Variants in YES1 observed in about 807,000 individuals in gnomAD.
YES1 encodes tyrosine-protein kinase Yes.
Under a neutral mutation model 70.4 loss-of-function variants are expected in YES1, and 39 were observed. The observed-to-expected ratio is 0.55, with a 90% CI of 0.43 to 0.72. YES1 has a LOEUF of 0.72. Among genes scored for constraint, YES1 ranks in the 30% least tolerant of loss-of-function variants. The pLI is 0.00. For synonymous variants in YES1, 198 were observed against 218.6 expected, an observed-to-expected ratio of 0.91 and a Z score of 0.83; for missense variants, 495 against 644.8, an observed-to-expected ratio of 0.77 and a Z score of 2.52.
At position 732,951 on chromosome 18, in the gene YES1, T is replaced by C. The variant is rs761347968; in HGVS notation, c.1306A>G (p.Ile436Val). ...YTARQGAKFP[I>V]KWTAPEAALY... Reference sequence around the variant, plus strand: ...GCAGCTTCAGGAGCTGTCCATTTGATTGGAAATTTTGCACCTAAAATAATG... The same window carrying C: ...GCAGCTTCAGGAGCTGTCCATTTGACTGGAAATTTTGCACCTAAAATAATG... The change falls in exon 11 of 12, where the codon ATC becomes GTC. Residue 436 changes from isoleucine (I) to valine (V), a missense_variant. Coordinates refer to ENST00000314574, the MANE Select transcript of YES1 (RefSeq NM_005433.4). 6.2e-7 allele frequency: 1 copy of C among 1,614,148 alleles called. No homozygotes were observed. Among genetic ancestry groups the C allele is most frequent in the Non-Finnish European group, 8.5e-7 (1 of 1,180,022 alleles).
intron 1 of YES1, among the ~76,000 whole-genome samples, chr18:810,686 T>G (rs1050654685): frequency 6.6e-6 from 1 of 152,230 alleles, no homozygotes; most frequent in African/African-American, 2.4e-5. Context: ...ATTTAAAATC[T>G]CCACCGACTT....
chr18:776,198 C>CT (rs35743931), intron 1 of YES1, among the ~76,000 whole-genome samples: 48,912 of 146,268 alleles, frequency 0.33, 8,351 homozygotes, highest in African/African-American at 0.42. Flanking sequence ...TATACTCGAT[C>CT]TTTTTTTTTT....
intron 1 of YES1, among the ~76,000 whole-genome samples, chr18:780,129 G>A (rs1905585469): frequency 6.6e-6 from 1 of 152,116 alleles, no homozygotes; most frequent in Non-Finnish European, 1.5e-5. Context: ...GGAGGATAAG[G>A]CAGGAGAATC....
intron 1 of YES1, among the ~76,000 whole-genome samples, chr18:809,103 A>G (rs1907242202): frequency 6.6e-6 from 1 of 152,240 alleles, no homozygotes; most frequent in African/African-American, 2.4e-5. Flanking sequence ...ATGACAGAAC[A>G]GTATCCATTC....
At chr18:810,881 G>T (rs1907340085) in intron 1 of YES1, among the ~76,000 whole-genome samples, 1 of 151,498 alleles carries the variant, frequency 6.6e-6, no homozygotes, top group South Asian at 2.1e-4. Context: ...AAGATCCTTG[G>T]CTAATACAAG....
At chr18:810,358 A>C (rs1907311407) in intron 1 of YES1, among the ~76,000 whole-genome samples, 1 of 152,182 alleles carries the variant, frequency 6.6e-6, no homozygotes, top group South Asian at 2.1e-4. Flanking sequence ...CCTGAACTAA[A>C]ACACACACAC....
chr18:810,108 T>C (rs1907300156), intron 1 of YES1, among the ~76,000 whole-genome samples: 1 of 152,146 alleles, frequency 6.6e-6, no homozygotes. Context: ...ACTATAATGC[T>C]AATAGAATAA....
At chr18:787,665 G>A (rs772418945) in intron 1 of YES1, among the ~76,000 whole-genome samples, 4 of 151,526 alleles carry the variant, frequency 2.6e-5, no homozygotes, top group Admixed American at 1.3e-4. Flanking sequence ...AGCTGAAATC[G>A]CGCCACTGCA....
At chr18:731,763 C>T (rs960940697) in intron 11 of YES1, among the ~76,000 whole-genome samples, 6 of 151,438 alleles carry the variant, frequency 4.0e-5, no homozygotes, top group South Asian at 2.1e-4. Context: ...GTCAGGAGAT[C>T]GAGACCATCC....
At chr18:729,751 C>T (rs1013997590) in intron 11 of YES1, among the ~76,000 whole-genome samples, 7 of 151,340 alleles carry the variant, frequency 4.6e-5, no homozygotes, top group Non-Finnish European at 5.9e-5. Context: ...CTCAGCCTCC[C>T]GAGTAGCTGG....
At chr18:749,387 ACT>A (rs2080317265) in intron 3 of YES1, among the ~76,000 whole-genome samples, 2 of 151,624 alleles carry the variant, frequency 1.3e-5, no homozygotes, top group African/African-American at 4.9e-5. Context: ...AATCCCAGTT[ACT>A]CAGGAGACTG....
At chr18:763,557 G>C (rs1904702750) in intron 1 of YES1, among the ~76,000 whole-genome samples, 1 of 151,964 alleles carries the variant, frequency 6.6e-6, no homozygotes, top group Admixed American at 6.6e-5. Context: ...TTACCCAGTT[G>C]TGGTGTGTGG....
intron 1 of YES1, among the ~76,000 whole-genome samples, chr18:798,671 TTTTC>T (rs1906664495): frequency 2.6e-5 from 4 of 152,168 alleles, no homozygotes; most frequent in Non-Finnish European, 4.4e-5. Context: ...CATATAATAC[TTTTC>T]TACTCTGACC....
rs151254312 is a variant in YES1 at position 774,598 on chromosome 18, C to T, written c.-8-17763G>A. Among the ~76,000 whole-genome samples the T allele has an allele frequency of 6.2e-4, 95 of 152,254 alleles. No individual in the cohort carries two copies. The East Asian group carries it at 0.013, about 20-fold the overall frequency. On this transcript the variant is annotated intron_variant, in intron 1 of 11. Coordinates refer to ENST00000314574, the MANE Select transcript of YES1 (RefSeq NM_005433.4). ...ACCCTTAAACTCCTCAGTAACCCCC[C>T]GGCCCTATTCTCAAAATACATTCAG...
intron 1 of YES1, among the ~76,000 whole-genome samples, chr18:765,284 A>ATATATC (rs1904841658): frequency 1.6e-5 from 2 of 126,432 alleles, no homozygotes; most frequent in African/African-American, 6.1e-5. Context: ...ATATATATAT[A>ATATATC]TATATATATC....
chr18:805,442 G>A (rs1907051198), intron 1 of YES1, among the ~76,000 whole-genome samples: 2 of 152,196 alleles, frequency 1.3e-5, no homozygotes, highest in South Asian at 2.1e-4. Context: ...CTTAGGCAGA[G>A]CATGACTATA....
intron 1 of YES1, among the ~76,000 whole-genome samples, chr18:811,167 A>G (rs1907357621): frequency 6.6e-6 from 1 of 152,220 alleles, no homozygotes; most frequent in Non-Finnish European, 1.5e-5. Flanking sequence ...GACTGTGAAA[A>G]CACACACCCG....
At chr18:787,080 C>CTTTTTTTTTTTTTTTTTTTTTTTTTTT (rs71174290) in intron 1 of YES1, among the ~76,000 whole-genome samples, 1 of 34,736 alleles carries the variant, frequency 2.9e-5, no homozygotes, top group Non-Finnish European at 5.0e-5. Flanking sequence ...TACATACTGT[C>CTTTTTTTTTTTTTTTTTTTTTTTTTTT]TTTTTTTTTT....
rs201471772 is a variant in YES1 at position 756,681 on chromosome 18, T to C, written c.147A>G (p.Gly49=). The change falls in exon 2 of 12, where the codon GGA becomes GGG. Residue 49 remains glycine, a synonymous_variant. Transcript: ENST00000314574. Reference sequence around the variant, plus strand: ...AAAGACTGCTGAAATTAACTGCTGTTCCCTTTGCTGAAGATGACGGACATG... The same window carrying C: ...AAAGACTGCTGAAATTAACTGCTGTCCCCTTTGCTGAAGATGACGGACATG... ...VSPCPSSSAK[G]TAVNFSSLSM... 3.1e-5 allele frequency: 50 copies of C among 1,614,204 alleles called. No individual in the cohort carries two copies. Among genetic ancestry groups the C allele is most frequent in the Non-Finnish European group, 3.4e-5 (40 of 1,180,034 alleles).
Sources: gnomAD v4.1 joint callset for allele counts (sites outside exome capture counted in the v4.1 genomes callset) on GRCh38, gnomAD v4.1.1 for gene constraint, MANE v1.5 for transcripts, NCBI Gene and HGNC (gene_info 2026-07-23, HGNC 2026-07-21) for gene names.